JAKMIP3: variants seen among roughly 807,000 people sequenced by gnomAD.
The protein encoded by JAKMIP3 is Janus kinase and microtubule interacting protein 3, also known as janus kinase and microtubule-interacting protein 3.
Under a neutral mutation model 118.5 loss-of-function variants are expected in JAKMIP3, and 58 were observed. The ratio of observed to expected loss-of-function variants is 0.49; its 90% CI spans 0.40 to 0.61. The LOEUF is 0.61. JAKMIP3 is among the 20% of genes least tolerant of loss of function. JAKMIP3 has a pLI of 0.00. For missense variants in JAKMIP3, 950 were observed against 1,109.0 expected (o/e 0.86, Z 2.04); for synonymous variants, 486 against 451.2 (o/e 1.08, Z -0.98).
At chr10:132,105,049 C>G in intron 2 of JAKMIP3, 106 bp downstream of exon 2, 2 of 1,324,376 alleles carry the variant, frequency 1.5e-6, no homozygotes, top group Non-Finnish European at 1.0e-6. Context: ...TGTGGAAACC[C>G]CCACCCAGTC....
At chr10:132,143,736 A>T (rs1037150293) in intron 11 of JAKMIP3, 2 of 152,196 alleles carry the variant, frequency 1.3e-5, no homozygotes, top group Non-Finnish European at 2.9e-5. Context: ...AAGCCTCAGG[A>T]TAAGGAAGGG....
chr10:132,043,234 T>C (rs1229444042), intron 1 of JAKMIP3, among the ~76,000 whole-genome samples: 1 of 152,194 alleles, frequency 6.6e-6, no homozygotes, highest in Non-Finnish European at 1.5e-5. Flanking sequence ...TTTTTGAGTC[T>C]CACTCTGTCA....
At chr10:132,174,749 C>G (rs1380967252) in intron 23 of JAKMIP3, among the ~76,000 whole-genome samples, 2 of 152,178 alleles carry the variant, frequency 1.3e-5, no homozygotes, top group African/African-American at 4.8e-5. Context: ...TTCCGTTGCC[C>G]CACACGCAAC....
chr10:132,173,628 A>C (rs1362180900), intron 23 of JAKMIP3, among the ~76,000 whole-genome samples: 1 of 152,126 alleles, frequency 6.6e-6, no homozygotes, highest in Admixed American at 6.5e-5. Context: ...GTTTCTTCAC[A>C]TATTGACTCT....
intron 2 of JAKMIP3, among the ~76,000 whole-genome samples, chr10:132,109,003 G>A (rs116069339): frequency 7.6e-6 from 1 of 130,744 alleles, no homozygotes; most frequent in African/African-American, 3.1e-5. Flanking sequence ...ACATATACAC[G>A]CAAATGTATA....
chr10:132,125,315 T>C (rs1359357862), intron 3 of JAKMIP3, among the ~76,000 whole-genome samples: 3 of 149,244 alleles, frequency 2.0e-5, no homozygotes, highest in African/African-American at 7.3e-5. Context: ...TTCAGGACTG[T>C]TTTTTGAAAT....
chr10:132,048,672 T>C (rs1281522868), intron 1 of JAKMIP3, among the ~76,000 whole-genome samples: 1 of 148,604 alleles, frequency 6.7e-6, no homozygotes, highest in Non-Finnish European at 1.5e-5. Context: ...CTTTTCTTTT[T>C]TTTTTTTTTT....
At chr10:132,105,094 G>C (rs1308202584) in intron 2 of JAKMIP3, among the ~76,000 whole-genome samples, 151 bp downstream of exon 2, 1 of 152,246 alleles carries the variant, frequency 6.6e-6, no homozygotes, top group Non-Finnish European at 1.5e-5. Flanking sequence ...CTTGGTGGGG[G>C]GTGGGGCGGC....
In JAKMIP3 at chr10:132,168,273, G is replaced by GGT; in HGVS notation, c.*345_*346dup. Reference sequence around the variant, plus strand: ...TGTGTAGCATTCCCTGCCAAGCAGGGGTGAGAACTGCTTCTGTGCAGAAGC... The same window carrying GGT: ...TGTGTAGCATTCCCTGCCAAGCAGGGGTGTGAGAACTGCTTCTGTGCAGAAGC... On this transcript the variant is annotated 3_prime_UTR_variant, in exon 23 of 24. Coordinates refer to ENST00000684848, the MANE Select transcript of JAKMIP3 (RefSeq NM_001323087.2). The GGT allele has an allele frequency of 7.8e-7, 1 of 1,289,422 alleles. No individual in the cohort carries two copies. Among genetic ancestry groups the GGT allele is most frequent in the Non-Finnish European group, 1.0e-6 (1 of 988,786 alleles). The allele number at this position is 1,289,422 out of a possible 1,614,324, so 79.9% of individuals were successfully genotyped here.
chr10:132,134,768 T>G (rs893943859), intron 4 of JAKMIP3, among the ~76,000 whole-genome samples: 1 of 152,242 alleles, frequency 6.6e-6, no homozygotes, highest in Non-Finnish European at 1.5e-5. Flanking sequence ...GTCTGCTCCT[T>G]TTCATTATTT....
intron 3 of JAKMIP3, among the ~76,000 whole-genome samples, chr10:132,123,015 G>C (rs767642231): frequency 7.9e-5 from 12 of 152,304 alleles, no homozygotes; most frequent in Admixed American, 6.5e-4. Context: ...CTGGAGCCTC[G>C]GAAGGCTCCG....
At chr10:132,053,878 C>CA (rs920117394) in intron 1 of JAKMIP3, among the ~76,000 whole-genome samples, 1,601 of 150,802 alleles carry the variant, frequency 0.011, 22 homozygotes, top group African/African-American at 0.036. Context: ...ACTAAAAATA[C>CA]AAAAAAAAAT....
intron 1 of JAKMIP3, among the ~76,000 whole-genome samples, chr10:132,066,737 T>C (rs2038851995): frequency 6.6e-6 from 1 of 152,206 alleles, no homozygotes; most frequent in African/African-American, 2.4e-5. Flanking sequence ...AATTCACTCT[T>C]TGAGGTTATT....
chr10:132,142,156 C>T, intron 11 of JAKMIP3, 108 bp downstream of exon 11: 1 of 1,227,954 alleles, frequency 8.1e-7, no homozygotes, highest in Non-Finnish European at 1.1e-6. Flanking sequence ...GCCCGGGCCC[C>T]TCCTCTCCTG....
chr10:132,086,353 C>G (rs2042394581), intron 1 of JAKMIP3, among the ~76,000 whole-genome samples: 1 of 152,086 alleles, frequency 6.6e-6, no homozygotes. Context: ...GTAGAATGTT[C>G]TGTAAATATC....
intron 14 of JAKMIP3, among the ~76,000 whole-genome samples, chr10:132,149,017 C>T (rs554290669): frequency 2.0e-5 from 3 of 152,298 alleles, no homozygotes; most frequent in East Asian, 3.9e-4. Context: ...ACAGTGGCAG[C>T]ACTGCCAGCC....
In JAKMIP3 at chr10:132,037,905, T is replaced by C. The variant is rs544455945; in HGVS notation, c.-138+1167T>C. 3.9e-5 allele frequency among the ~76,000 whole-genome samples: 6 copies of C among 152,338 alleles called. No homozygotes were observed. The East Asian group carries it at 5.8e-4, about 15-fold the overall frequency. ...GGGCTGTAGAGAACAGCAGTACCAA[T>C]TGGCCCCGAGTCGGTTGCAGCCTTT... On this transcript the variant is annotated intron_variant, in intron 1 of 23. Coordinates refer to the JAKMIP3 transcript ENST00000657785.
rs150398140 is a variant in JAKMIP3 at position 132,173,345 on chromosome 10, G to A, written c.*1103+4312G>A. On this transcript the variant is annotated intron_variant, in intron 23 of 23. Transcript: ENST00000684848. ...TCCCCTCCTTGTTTGTGACACTGGC[G>A]GTAGCAGATACTTGGCGCTTGCTGT... 3.2e-3 allele frequency among the ~76,000 whole-genome samples: 486 copies of A among 150,328 alleles called. 1 individual carries two copies. Among genetic ancestry groups the A allele is most frequent in the African/African-American group, 9.2e-3 (374 of 40,748 alleles).
chr10:132,145,767 A>G (rs2054480077), intron 13 of JAKMIP3, among the ~76,000 whole-genome samples, 187 bp downstream of exon 13: 1 of 152,184 alleles, frequency 6.6e-6, no homozygotes, highest in Admixed American at 6.5e-5. Flanking sequence ...TGGCCTGGAC[A>G]GAGGGAGCTG....
Sources: allele counts gnomAD v4.1 joint callset (sites outside exome capture counted in the v4.1 genomes callset), GRCh38; gene constraint gnomAD v4.1.1; transcripts MANE v1.5; gene names NCBI Gene and HGNC (gene_info 2026-07-23, HGNC 2026-07-21).